Variants in EID3 observed in about 807,000 individuals in gnomAD.
The protein encoded by EID3 is EP300 interacting inhibitor of differentiation 3.
EID3 carries 3 observed loss-of-function variants against 1.6 expected under a neutral mutation model. That is an observed-to-expected ratio of 1.87 (90% confidence interval 0.85 to 4.83). The LOEUF is 4.83. Among genes scored for constraint, EID3 ranks in the 30% most tolerant of loss-of-function variants. The pLI, the probability that EID3 is intolerant of heterozygous loss-of-function variation, is 0.02. For synonymous variants in EID3, 164 were observed against 148.1 expected (o/e 1.11, Z -0.78); for missense variants, 471 against 409.9 (o/e 1.15, Z -1.29).
In EID3 at chr12:104,304,088, CG is replaced by C; in HGVS notation, c.156del (p.Gln53ArgfsTer7). ...RQYRQLMYCV[R>X]QNREDIVSSA... ...GTACCGGCAGCTCATGTACTGCGTG[CG>C]GCAGAACCGGGAGGACATCGTGAGC... On this transcript the variant is annotated frameshift_variant, in exon 1 of 1. Transcript: ENST00000527879. LOFTEE classifies it low-confidence loss of function (END_TRUNC). 1 of 1,613,586 alleles carries C rather than the reference CG, an allele frequency of 6.2e-7. No homozygotes were observed. The highest frequency in any genetic ancestry group is 8.5e-7 in the Non-Finnish European group (1 of 1,179,568).
In EID3 at chr12:104,304,582, G is replaced by A. The variant is rs1274285484; in HGVS notation, c.648G>A (p.Ala216=). Residue 216 remains alanine (A), a synonymous_variant, in exon 1 of 1, where the codon GCG becomes GCA. Coordinates refer to ENST00000527879, the MANE Select transcript of EID3 (RefSeq NM_001008394.3). ...TGGACCTGAGTAGTTATCCAGAAGC[G>A]ACAGAAAAAAACGTAGAAAGGATTT... The part of the protein sequence containing the change: ...QKLDLSSYPE[A]TEKNVERILG... 5 of 1,613,942 alleles carry A rather than the reference G, an allele frequency of 3.1e-6. No individual in the cohort carries two copies. The highest frequency in any genetic ancestry group is 2.7e-5 in the African/African-American group (2 of 75,040).
At position 104,303,976 on chromosome 12, in the gene EID3, C is replaced by A. The variant is rs765746560; in HGVS notation, c.42C>A (p.Asp14Glu). The change falls in exon 1 of 1, where the codon GAC becomes GAA. Residue 14 changes from aspartate to glutamate, a missense_variant. Transcript: ENST00000527879. ...DVSVRAAGCS[D>E]DLSSGEADVD... ...CAGTGAGGGCCGCGGGCTGCTCCGA[C>A]GACCTCAGCTCTGGGGAGGCCGACG... 4 of 1,606,154 alleles carry A rather than the reference C, an allele frequency of 2.5e-6. No homozygotes were observed. The South Asian group carries it at 3.3e-5, about 13-fold the overall frequency.
In EID3 at chr12:104,303,766, C is replaced by A; in HGVS notation, c.-169C>A. 1 of 1,173,202 alleles carries A rather than the reference C, an allele frequency of 8.5e-7. No individual in the cohort carries two copies. The highest frequency in any genetic ancestry group is 1.7e-5 in the South Asian group (1 of 58,982). The allele number at this position is 1,173,202 out of a possible 1,614,324, so 72.7% of individuals were successfully genotyped here. A position where few individuals can be genotyped will look rare whatever the true frequency, so the allele number is the denominator to read the frequency against. ...GGGCGGGCGTCCTCGGCTCTAACTG[C>A]CGCCACTTTCCACACGCTGGGAGGG... On this transcript the variant is annotated 5_prime_UTR_variant, in exon 1 of 1. Transcript: ENST00000527879.
In EID3 at chr12:104,303,769, C is replaced by T; in HGVS notation, c.-166C>T. 5.8e-6 allele frequency: 7 copies of T among 1,200,176 alleles called. No homozygotes were observed. Among genetic ancestry groups the T allele is most frequent in the Non-Finnish European group, 7.8e-6 (7 of 896,556 alleles). The allele number at this position is 1,200,176 out of a possible 1,614,324, so 74.3% of individuals were successfully genotyped here. ...CGGGCGTCCTCGGCTCTAACTGCCGCCACTTTCCACACGCTGGGAGGGCCG... is the reference window on the plus strand; with the variant it reads ...CGGGCGTCCTCGGCTCTAACTGCCGTCACTTTCCACACGCTGGGAGGGCCG... On this transcript the variant is annotated 5_prime_UTR_variant, in exon 1 of 1. Transcript: ENST00000527879.
chr12:104,304,146 A>T lies in EID3; in HGVS notation c.212A>T (p.Glu71Val). ...AACAACTCCTTAACCGAGGCTCTGG[A>T]GGAAGCCAACGTCCTCTTTGATGGC... ...SANNSLTEALEEANVLFDGVS... is the reference protein window; with the variant it reads ...SANNSLTEALVEANVLFDGVS... The change falls in exon 1 of 1, where the codon GAG (glutamate) becomes GTG (valine). Residue 71 changes from glutamate (E) to valine (V), a missense_variant. By Grantham distance (121) the Glu-to-Val change is moderately radical. Coordinates refer to ENST00000527879, the MANE Select transcript of EID3 (RefSeq NM_001008394.3). The T allele has an allele frequency of 6.2e-7, 1 of 1,614,092 alleles. No homozygotes were observed. Among genetic ancestry groups the T allele is most frequent in the Non-Finnish European group, 8.5e-7 (1 of 1,179,908 alleles).
Position 104,304,337 on chromosome 12 carries a change from G to A in EID3, c.403G>A (p.Asp135Asn), listed in dbSNP as rs765172685. Residue 135 changes from aspartate (D) to asparagine (N), a missense_variant, in exon 1 of 1, where the codon GAT becomes AAT. Coordinates refer to ENST00000527879, the MANE Select transcript of EID3 (RefSeq NM_001008394.3). ...CGTGGGTCTGAATTGGATGGAAGGC[G>A]ATCCTGACAAGTTGAGTGATTGTGA... ...LFVGLNWMEG[D>N]PDKLSDCDDS... The A allele has an allele frequency of 6.2e-7, 1 of 1,614,040 alleles. No individual in the cohort carries two copies. The highest frequency in any genetic ancestry group is 1.6e-4 in the Middle Eastern group (1 of 6,062).
chr12:104,303,875 C>T lies in EID3; in HGVS notation c.-60C>T. On this transcript the variant is annotated 5_prime_UTR_variant, in exon 1 of 1. Coordinates refer to ENST00000527879, the MANE Select transcript of EID3 (RefSeq NM_001008394.3). ...AGACGAAGAGAAAGGAGAGGAGCAG[C>T]TCGTGATCATCCCCGGTAGCGAGTA... The T allele has an allele frequency of 2.0e-6, 3 of 1,494,098 alleles. No homozygotes were observed. Among genetic ancestry groups the T allele is most frequent in the Non-Finnish European group, 2.7e-6 (3 of 1,128,872 alleles). The allele number at this position is 1,494,098 out of a possible 1,614,324, so 92.6% of individuals were successfully genotyped here.
chr12:104,304,885 T>G lies in EID3; in HGVS notation c.951T>G (p.Ile317Met). The G allele has an allele frequency of 6.2e-7, 1 of 1,611,660 alleles. No individual in the cohort carries two copies. Among genetic ancestry groups the G allele is most frequent in the Non-Finnish European group, 8.5e-7 (1 of 1,179,274 alleles). ...TGACTTTACAGGAGTGGAAAAACAT[T>G]GTGGCAGCTTTTGAAATTTCTGAGG... ...ISLTLQEWKN[I>M]VAAFEISEAM... Residue 317 changes from isoleucine to methionine, a missense_variant, in exon 1 of 1, where the codon ATT (isoleucine) becomes ATG (methionine). Ile to Met is a conservative substitution (Grantham distance 10, BLOSUM62 1). Coordinates refer to ENST00000527879, the MANE Select transcript of EID3 (RefSeq NM_001008394.3).
Position 104,303,767 on chromosome 12 carries a change from C to A in EID3, c.-168C>A. 1 of 1,180,192 alleles carries A rather than the reference C, an allele frequency of 8.5e-7. No homozygotes were observed. The highest frequency in any genetic ancestry group is 1.7e-5 in the South Asian group (1 of 59,254). 73.1% of individuals were successfully genotyped at this position (1,180,192 alleles called of 1,614,324 possible). A position where few individuals can be genotyped will look rare whatever the true frequency, so the allele number is the denominator to read the frequency against. The stretch of plus-strand genomic sequence containing the variant: ...GGCGGGCGTCCTCGGCTCTAACTGC[C>A]GCCACTTTCCACACGCTGGGAGGGC... On this transcript the variant is annotated 5_prime_UTR_variant, in exon 1 of 1. Transcript: ENST00000527879.
chr12:104,304,445 G>T lies in EID3; in HGVS notation c.511G>T (p.Val171Phe). Reference sequence around the variant, plus strand: ...GGTAAAAGCTGAGACATTCCATTTTGTTTTTGGTTCATTCAAGCTAGAACG... The same window carrying T: ...GGTAAAAGCTGAGACATTCCATTTTTTTTTTGGTTCATTCAAGCTAGAACG... ...WMVKAETFHF[V>F]FGSFKLERSA... The change falls in exon 1 of 1, where the codon GTT becomes TTT. Residue 171 changes from valine to phenylalanine, a missense_variant. Val to Phe is a conservative substitution (Grantham distance 50, BLOSUM62 -1). Transcript: ENST00000527879. 6.2e-7 allele frequency: 1 copy of T among 1,613,990 alleles called. No homozygotes were observed. The highest frequency in any genetic ancestry group is 8.5e-7 in the Non-Finnish European group (1 of 1,179,880).
Position 104,304,550 on chromosome 12 carries a change from C to G in EID3, c.616C>G (p.Gln206Glu), listed in dbSNP as rs770912295. The G allele has an allele frequency of 6.2e-7, 1 of 1,613,962 alleles. No individual in the cohort carries two copies. Among genetic ancestry groups the G allele is most frequent in the Non-Finnish European group, 8.5e-7 (1 of 1,179,888 alleles). Residue 206 changes from glutamine to glutamate, a missense_variant, in exon 1 of 1, where the codon CAG becomes GAG. Coordinates refer to ENST00000527879, the MANE Select transcript of EID3 (RefSeq NM_001008394.3). ...EENGNMPTKL[Q>E]KLDLSSYPEA... is the part of the protein sequence containing the mutation. The stretch of plus-strand genomic sequence containing the variant: ...AAATGGCAACATGCCTACAAAGTTG[C>G]AGAAGTTGGACCTGAGTAGTTATCC...
Position 104,303,778 on chromosome 12 carries a change from A to AGGT in EID3, c.-157_-156insGGT. ...TCGGCTCTAACTGCCGCCACTTTCC[A>AGGT]CACGCTGGGAGGGCCGTTACCTCAG... On this transcript the variant is annotated 5_prime_UTR_variant, in exon 1 of 1. Coordinates refer to ENST00000527879, the MANE Select transcript of EID3 (RefSeq NM_001008394.3). 4 of 1,256,330 alleles carry AGGT rather than the reference A, an allele frequency of 3.2e-6. No individual in the cohort carries two copies. The highest frequency in any genetic ancestry group is 4.2e-6 in the Non-Finnish European group (4 of 947,878). 77.8% of individuals were successfully genotyped at this position (1,256,330 alleles called of 1,614,324 possible).
rs923195110 is a variant in EID3, at chr12:104,304,469, C to G, written c.535C>G (p.Arg179Gly). The change falls in exon 1 of 1, where the codon CGT becomes GGT. Residue 179 changes from arginine to glycine, a missense_variant. By Grantham distance (125) the Arg-to-Gly change is moderately radical. Coordinates refer to ENST00000527879, the MANE Select transcript of EID3 (RefSeq NM_001008394.3). The stretch of plus-strand genomic sequence containing the variant: ...TGTTTTTGGTTCATTCAAGCTAGAA[C>G]GTTCTGCACCAAAGCCCCGACTTGA... ...HFVFGSFKLE[R>G]SAPKPRLEHQ... 1 of 1,613,950 alleles carries G rather than the reference C, an allele frequency of 6.2e-7. No homozygotes were observed.
At position 104,304,364 on chromosome 12, in the gene EID3, G is replaced by C; in HGVS notation, c.430G>C (p.Asp144His). Residue 144 changes from aspartate (D) to histidine (H), a missense_variant, in exon 1 of 1, where the codon GAT becomes CAT. Asp to His is a moderately conservative substitution (Grantham distance 81). Coordinates refer to ENST00000527879, the MANE Select transcript of EID3 (RefSeq NM_001008394.3). The part of the protein sequence containing the change: ...GDPDKLSDCD[D>H]SIALSFWKAI... ...TCCTGACAAGTTGAGTGATTGTGAT[G>C]ATAGCATAGCTCTTTCCTTCTGGAA... The C allele has an allele frequency of 6.2e-7, 1 of 1,614,050 alleles. No individual in the cohort carries two copies. Among genetic ancestry groups the C allele is most frequent in the Non-Finnish European group, 8.5e-7 (1 of 1,179,906 alleles).
In EID3 at chr12:104,304,034, G is replaced by A. The variant is rs942940722; in HGVS notation, c.100G>A (p.Glu34Lys). Residue 34 changes from glutamate to lysine, a missense_variant, in exon 1 of 1, where the codon GAG (glutamate) becomes AAG (lysine). Coordinates refer to ENST00000527879, the MANE Select transcript of EID3 (RefSeq NM_001008394.3). ...AAAGCTCCTGGAGCTCACCGCTGAC[G>A]AGGAGAAGTGCCGCAGCATCCGCAG... is the stretch of plus-strand genomic sequence containing the variant. Reference protein sequence around the residue: ...DPKLLELTADEEKCRSIRRQY... With the variant: ...DPKLLELTADKEKCRSIRRQY... The A allele has an allele frequency of 5.0e-6, 8 of 1,611,874 alleles. No individual in the cohort carries two copies. Among genetic ancestry groups the A allele is most frequent in the Non-Finnish European group, 6.8e-6 (8 of 1,178,832 alleles).
In EID3 at chr12:104,304,201, C is replaced by G. The variant is rs959054593; in HGVS notation, c.267C>G (p.Asp89Glu). The G allele has an allele frequency of 6.2e-7, 1 of 1,613,950 alleles. No homozygotes were observed. The highest frequency in any genetic ancestry group is 8.5e-7 in the Non-Finnish European group (1 of 1,179,912). Residue 89 changes from aspartate to glutamate, a missense_variant, in exon 1 of 1, where the codon GAC becomes GAG. By Grantham distance (45) the Asp-to-Glu change is conservative (BLOSUM62 2). Coordinates refer to ENST00000527879, the MANE Select transcript of EID3 (RefSeq NM_001008394.3). ...GCCGAACCAGAGAAGCAGCCCTCGACGCCCGGTTTCTTGTTATGGCTTCTG... is the reference window on the plus strand; with the variant it reads ...GCCGAACCAGAGAAGCAGCCCTCGAGGCCCGGTTTCTTGTTATGGCTTCTG... ...GVSRTREAAL[D>E]ARFLVMASDL...
chr12:104,304,271 T>C lies in EID3; in HGVS notation c.337T>C (p.Phe113Leu). Residue 113 changes from phenylalanine to leucine, a missense_variant, in exon 1 of 1, where the codon TTC becomes CTC. By Grantham distance (22) the Phe-to-Leu change is conservative. Coordinates refer to ENST00000527879, the MANE Select transcript of EID3 (RefSeq NM_001008394.3). ...AAAGCAGTTAAACTCAGATATGAACTTCTTTAATCAGTTAGCATTTTGTGA... is the reference window on the plus strand; with the variant it reads ...AAAGCAGTTAAACTCAGATATGAACCTCTTTAATCAGTTAGCATTTTGTGA... ...KAKQLNSDMN[F>L]FNQLAFCDFL... 1 of 1,614,082 alleles carries C rather than the reference T, an allele frequency of 6.2e-7. No individual in the cohort carries two copies.
rs2034798725 is a variant in EID3 at position 104,304,488 on chromosome 12, G to T, written c.554G>T (p.Arg185Leu). Reference protein sequence around the residue: ...FKLERSAPKPRLEHQKKVRKM... With the variant: ...FKLERSAPKPLLEHQKKVRKM... ...CTAGAACGTTCTGCACCAAAGCCCC[G>T]ACTTGAACACCAGAAAAAAGTTCGC... The change falls in exon 1 of 1, where the codon CGA becomes CTA. Residue 185 changes from arginine to leucine, a missense_variant. Transcript: ENST00000527879. 3 of 1,613,866 alleles carry T rather than the reference G, an allele frequency of 1.9e-6. No individual in the cohort carries two copies. The highest frequency in any genetic ancestry group is 2.5e-6 in the Non-Finnish European group (3 of 1,179,872).
Position 104,304,249 on chromosome 12 carries a change from G to A in EID3, c.315G>A (p.Lys105=). 6.2e-7 allele frequency: 1 copy of A among 1,614,030 alleles called. No homozygotes were observed. The highest frequency in any genetic ancestry group is 8.5e-7 in the Non-Finnish European group (1 of 1,179,902). Residue 105 remains lysine (K), a synonymous_variant, in exon 1 of 1, where the codon AAG becomes AAA. Transcript: ENST00000527879. ...MASDLGKEKA[K]QLNSDMNFFN... ...CTGATTTGGGTAAAGAAAAGGCAAAGCAGTTAAACTCAGATATGAACTTCT... is the reference window on the plus strand; with the variant it reads ...CTGATTTGGGTAAAGAAAAGGCAAAACAGTTAAACTCAGATATGAACTTCT...
Sources: allele counts gnomAD v4.1 joint callset, GRCh38; gene constraint gnomAD v4.1.1; transcripts MANE v1.5; gene names NCBI Gene and HGNC (gene_info 2026-07-23, HGNC 2026-07-21).